Variants in NLGN4X observed in about 807,000 individuals in gnomAD.
NLGN4X encodes the protein neuroligin-4, X-linked.
A neutral mutation model predicts 40.3 loss-of-function variants in NLGN4X; 3 were observed. The ratio of observed to expected loss-of-function variants is 0.07; its 90% CI spans 0.03 to 0.19. NLGN4X has a LOEUF of 0.19. Ranked by LOEUF, NLGN4X falls within the 10% of genes least tolerant of loss-of-function variation. NLGN4X has a pLI of 1.00. For synonymous variants in NLGN4X, 270 were observed against 306.8 expected (o/e 0.88, Z 1.25); for missense variants, 382 against 708.3 (o/e 0.54, Z 5.23).
At chrX:6,108,121 A>G (rs1390254329) in intron 2 of NLGN4X, among the ~76,000 whole-genome samples, 1 of 111,953 alleles carries the variant, frequency 8.9e-6, no homozygotes, top group Non-Finnish European at 1.9e-5. Flanking sequence ...GGGCTAGGAA[A>G]ATACACAGTG....
chrX:6,172,136 G>A (rs777098306), intron 1 of NLGN4X, among the ~76,000 whole-genome samples: 2 of 111,396 alleles, frequency 1.8e-5, no homozygotes, highest in Admixed American at 9.5e-5. Context: ...ACCCAGTCTC[G>A]GGTATTTCTT....
chrX:6,069,923 A>G (rs1487765776), intron 2 of NLGN4X, among the ~76,000 whole-genome samples: 5 of 111,766 alleles, frequency 4.5e-5, no homozygotes, highest in Non-Finnish European at 5.6e-5. Flanking sequence ...TAATCCTGGC[A>G]CTTTAATACC....
At position 6,038,552 on chromosome X, in the gene NLGN4X, A is replaced by G. The variant is rs920407630; in HGVS notation, c.473-9120T>C. Reference sequence around the variant, plus strand: ...CTTCACCCAATGTATATGCACCTTGAAAAATTGGTTAGCAACAGAAAAGTT... The same window carrying G: ...CTTCACCCAATGTATATGCACCTTGGAAAATTGGTTAGCAACAGAAAAGTT... On this transcript the variant is annotated intron_variant, in intron 2 of 5. Transcript: ENST00000381095. 3.5e-5 allele frequency among the ~76,000 whole-genome samples: 4 copies of G among 113,230 alleles called. No homozygotes were observed. The East Asian group carries it at 1.1e-3, about 32-fold the overall frequency.
At chrX:6,121,926 T>A (rs1259491950) in intron 2 of NLGN4X, among the ~76,000 whole-genome samples, 1 of 112,514 alleles carries the variant, frequency 8.9e-6, no homozygotes, top group Non-Finnish European at 1.9e-5. Flanking sequence ...AAGGTCACAG[T>A]GCAAAGCTAG....
chrX:5,977,311 C>G (rs1249485977), intron 3 of NLGN4X, among the ~76,000 whole-genome samples: 1 of 111,499 alleles, frequency 9.0e-6, no homozygotes, highest in African/African-American at 3.3e-5. Flanking sequence ...GCCTCAAACA[C>G]CTGGGCTCAA....
intron 2 of NLGN4X, among the ~76,000 whole-genome samples, chrX:6,059,144 AG>A (rs957977105): frequency 4.2e-4 from 47 of 112,335 alleles, no homozygotes; most frequent in African/African-American, 1.4e-3. Flanking sequence ...GGAAAATTCC[AG>A]AAAGGTACTG....
At chrX:6,206,753 C>T (rs967017270) in intron 1 of NLGN4X, among the ~76,000 whole-genome samples, 7 of 111,735 alleles carry the variant, frequency 6.3e-5, no homozygotes, top group Non-Finnish European at 1.1e-4. Flanking sequence ...GTGGTTACGA[C>T]ACCAGTTGTA....
intron 3 of NLGN4X, among the ~76,000 whole-genome samples, chrX:5,987,244 C>T (rs909968925): frequency 1.8e-5 from 2 of 111,445 alleles, no homozygotes; most frequent in Non-Finnish European, 3.8e-5. Flanking sequence ...AAGTTGCATT[C>T]ATTTAGAGTC....
At chrX:5,995,926 T>C (rs1293896364) in intron 3 of NLGN4X, among the ~76,000 whole-genome samples, 1 of 112,001 alleles carries the variant, frequency 8.9e-6, no homozygotes, top group Non-Finnish European at 1.9e-5. Flanking sequence ...TACACGTACG[T>C]ATCCATAAGT....
chrX:6,042,749 A>C, intron 2 of NLGN4X, among the ~76,000 whole-genome samples: 1 of 84,943 alleles, frequency 1.2e-5, no homozygotes, highest in Non-Finnish European at 2.3e-5. Context: ...ACGTACACAT[A>C]TCTATACATA....
chrX:6,041,690 G>C (rs1424776530), intron 2 of NLGN4X, among the ~76,000 whole-genome samples: 5 of 112,561 alleles, frequency 4.4e-5, no homozygotes, highest in Non-Finnish European at 7.5e-5. Flanking sequence ...TTAGCAACAA[G>C]AAAAAGGTGT....
At chrX:6,077,858 T>C (rs927187124) in intron 2 of NLGN4X, among the ~76,000 whole-genome samples, 2 of 111,622 alleles carry the variant, frequency 1.8e-5, no homozygotes, top group Non-Finnish European at 3.8e-5. Context: ...TGTTCTTTGA[T>C]TGGCAAATGA....
intron 1 of NLGN4X, among the ~76,000 whole-genome samples, chrX:6,217,295 A>G (rs1213907766): frequency 1.8e-5 from 2 of 112,205 alleles, no homozygotes; most frequent in African/African-American, 6.5e-5. Context: ...ACAATTTTTT[A>G]TTATTTGGGA....
intron 1 of NLGN4X, among the ~76,000 whole-genome samples, chrX:6,152,575 G>A (rs2040187421): frequency 8.9e-6 from 1 of 111,834 alleles, no homozygotes; most frequent in Non-Finnish European, 1.9e-5. Flanking sequence ...TATTTATCAG[G>A]CCACAAAGGG....
At chrX:5,925,940 G>A (rs1318236287) in intron 3 of NLGN4X, among the ~76,000 whole-genome samples, 7 of 57,912 alleles carry the variant, frequency 1.2e-4, no homozygotes, top group Non-Finnish European at 1.5e-4. Flanking sequence ...ATAAACCTGC[G>A]AAGCTTTTCA....
rs1427431881 is a variant in NLGN4X, at chrX:5,892,522, A to C, written c.*295T>G. 3.1e-6 allele frequency: 1 copy of C among 319,849 alleles called. No individual in the cohort carries two copies. The highest frequency in any genetic ancestry group is 5.5e-6 in the Non-Finnish European group (1 of 180,189). The allele number at this position is 319,849 out of a possible 1,213,427, so 26.4% of individuals were successfully genotyped here. A position where few individuals can be genotyped will look rare whatever the true frequency, so the allele number is the denominator to read the frequency against. ...GGCCTTGAAATGGTGATGTCCTATC[A>C]CACTAAACATCGATTGGAGTGGTAG... On this transcript the variant is annotated 3_prime_UTR_variant, in exon 6 of 6. Transcript: ENST00000381095.
chrX:6,202,872 C>G (rs192340179), intron 1 of NLGN4X, among the ~76,000 whole-genome samples: 36 of 112,145 alleles, frequency 3.2e-4, no homozygotes, highest in African/African-American at 1.1e-3. Context: ...GACAACTCCA[C>G]CCATAACTGC....
At chrX:6,084,689 T>C (rs940130195) in intron 2 of NLGN4X, among the ~76,000 whole-genome samples, 3 of 110,499 alleles carry the variant, frequency 2.7e-5, no homozygotes, top group South Asian at 4.0e-4. Context: ...GAGGGGACAA[T>C]GGCAGGTGTT....
intron 3 of NLGN4X, among the ~76,000 whole-genome samples, chrX:6,023,193 A>G (rs1260306327): frequency 1.8e-5 from 2 of 111,665 alleles, no homozygotes; most frequent in Non-Finnish European, 3.8e-5. Context: ...CTGATGAAAC[A>G]CTAGTTCTAC....
Sources: gnomAD v4.1 joint callset for allele counts (sites outside exome capture counted in the v4.1 genomes callset) on GRCh38, gnomAD v4.1.1 for gene constraint, MANE v1.5 for transcripts, NCBI Gene and HGNC (gene_info 2026-07-23, HGNC 2026-07-21) for gene names.